The following PAK5 variants were observed in gnomAD, a reference collection of about 807,000 sequenced individuals.
The protein encoded by PAK5 is serine/threonine-protein kinase PAK 5.
In PAK5, 16 loss-of-function variants were observed where a neutral mutation model predicts 65.9. That is an observed-to-expected ratio of 0.24 (90% CI 0.16 to 0.37). PAK5 has a LOEUF of 0.37. PAK5 is among the 10% of genes least tolerant of loss of function. PAK5 has a pLI of 1.00. For missense variants in PAK5, 785 were observed against 903.9 expected, an observed-to-expected ratio of 0.87 and a Z score of 1.69; for synonymous variants, 371 against 354.9, an observed-to-expected ratio of 1.05 and a Z score of -0.51.
At chr20:9,696,691 T>C (rs112757681) in intron 2 of PAK5, among the ~76,000 whole-genome samples, 34 of 152,136 alleles carry the variant, frequency 2.2e-4, no homozygotes, top group Non-Finnish European at 4.0e-4. Flanking sequence ...AGTAAGAAAA[T>C]TGTATTATGG....
intron 1 of PAK5, among the ~76,000 whole-genome samples, chr20:9,755,479 T>C (rs1384363240): frequency 1.3e-5 from 2 of 152,194 alleles, no homozygotes; most frequent in African/African-American, 4.8e-5. Flanking sequence ...ACACAGTCTT[T>C]GACCTGCCCT....
At chr20:9,796,074 A>G (rs952090883) in intron 1 of PAK5, among the ~76,000 whole-genome samples, 1 of 152,058 alleles carries the variant, frequency 6.6e-6, no homozygotes, top group Non-Finnish European at 1.5e-5. Context: ...AATATTATTC[A>G]GTCCCCCAAC....
At chr20:9,797,082 C>T (rs1214196427) in intron 1 of PAK5, among the ~76,000 whole-genome samples, 1 of 151,496 alleles carries the variant, frequency 6.6e-6, no homozygotes, top group African/African-American at 2.4e-5. Context: ...GATCACCATT[C>T]TAACTGGTGT....
intron 1 of PAK5, among the ~76,000 whole-genome samples, chr20:9,816,838 T>C (rs2049363225): frequency 6.6e-6 from 1 of 152,160 alleles, no homozygotes; most frequent in Non-Finnish European, 1.5e-5. Flanking sequence ...TTACTACTGG[T>C]ATCAGTTCTA....
At chr20:9,758,129 C>T (rs2048656941) in intron 1 of PAK5, among the ~76,000 whole-genome samples, 1 of 152,138 alleles carries the variant, frequency 6.6e-6, no homozygotes, top group Non-Finnish European at 1.5e-5. Context: ...GTATGCGATA[C>T]TTTCTGGGGC....
intron 1 of PAK5, among the ~76,000 whole-genome samples, chr20:9,729,114 A>G (rs1050217049): frequency 6.6e-6 from 1 of 152,120 alleles, no homozygotes; most frequent in Non-Finnish European, 1.5e-5. Context: ...GGGCACCTGT[A>G]GTCCCAGCTA....
At chr20:9,794,631 T>C (rs2049085572) in intron 1 of PAK5, among the ~76,000 whole-genome samples, 1 of 152,062 alleles carries the variant, frequency 6.6e-6, no homozygotes, top group South Asian at 2.1e-4. Flanking sequence ...CATGTGACCT[T>C]GGGAGGGTCT....
intron 6 of PAK5, among the ~76,000 whole-genome samples, chr20:9,561,288 G>A (rs1282763738): frequency 1.3e-5 from 2 of 152,174 alleles, no homozygotes; most frequent in East Asian, 1.9e-4. Flanking sequence ...CCTTGACAAA[G>A]GTAGAGCTGG....
At chr20:9,775,378 A>C (rs189927301) in intron 1 of PAK5, among the ~76,000 whole-genome samples, 17 of 152,286 alleles carry the variant, frequency 1.1e-4, no homozygotes, top group African/African-American at 2.4e-4. Flanking sequence ...GTTTAGCAGT[A>C]CTGTTCATTC....
intron 2 of PAK5, among the ~76,000 whole-genome samples, chr20:9,683,641 C>G: frequency 6.6e-6 from 1 of 152,182 alleles, no homozygotes; most frequent in East Asian, 1.9e-4. Flanking sequence ...TATCTAGGCA[C>G]TGGTAGATGA....
At chr20:9,656,195 G>A (rs73240971) in intron 2 of PAK5, among the ~76,000 whole-genome samples, 2,683 of 152,210 alleles carry the variant, frequency 0.018, 74 homozygotes, top group African/African-American at 0.059. Flanking sequence ...TTAGCAAGCC[G>A]TAAGCCCCTT....
chr20:9,618,999 G>A (rs1043292626), intron 3 of PAK5, among the ~76,000 whole-genome samples: 19 of 129,408 alleles, frequency 1.5e-4, no homozygotes, highest in East Asian at 2.7e-4. Flanking sequence ...CATGGCTCAC[G>A]GAAGCCTTGA....
chr20:9,826,252 A>G (rs1313293200), intron 1 of PAK5, among the ~76,000 whole-genome samples: 1 of 152,142 alleles, frequency 6.6e-6, no homozygotes, highest in Non-Finnish European at 1.5e-5. Context: ...GAACACATCT[A>G]TACCACAAAA....
chr20:9,639,373 A>C (rs1022639492), intron 3 of PAK5, among the ~76,000 whole-genome samples: 5 of 152,198 alleles, frequency 3.3e-5, no homozygotes, highest in African/African-American at 1.2e-4. Flanking sequence ...ATTTGGAGAA[A>C]GATAGGATTT....
intron 1 of PAK5, among the ~76,000 whole-genome samples, chr20:9,765,725 T>C (rs758724826): frequency 1.3e-5 from 2 of 152,110 alleles, no homozygotes; most frequent in Non-Finnish European, 2.9e-5. Context: ...AACAGCACAT[T>C]CTTAGATATT....
chr20:9,693,904 T>G (rs2047831675), intron 2 of PAK5, among the ~76,000 whole-genome samples: 1 of 152,122 alleles, frequency 6.6e-6, no homozygotes, highest in South Asian at 2.1e-4. Context: ...TTGTATAAAT[T>G]TATGATTGTC....
intron 3 of PAK5, among the ~76,000 whole-genome samples, chr20:9,590,146 A>G (rs1442467302): frequency 2.0e-5 from 3 of 152,046 alleles, no homozygotes; most frequent in Non-Finnish European, 4.4e-5. Context: ...TAATTAAAAA[A>G]AAAATGTAGA....
chr20:9,674,234 C>A (rs550615101), intron 2 of PAK5, among the ~76,000 whole-genome samples: 5 of 152,058 alleles, frequency 3.3e-5, no homozygotes, highest in Non-Finnish European at 7.4e-5. Flanking sequence ...TCCTTGAGAT[C>A]CACAGTTCTA....
intron 2 of PAK5, among the ~76,000 whole-genome samples, chr20:9,699,553 GTTTT>G (rs34450464): frequency 0.24 from 32,870 of 138,752 alleles, 4,097 homozygotes; most frequent in East Asian, 0.38. Flanking sequence ...TTTGCTTCTT[GTTTT>G]TTTTTTTTTT....
Sources: gnomAD v4.1 joint callset for allele counts (sites outside exome capture counted in the v4.1 genomes callset) on GRCh38, gnomAD v4.1.1 for gene constraint, MANE v1.5 for transcripts, NCBI Gene and HGNC (gene_info 2026-07-23, HGNC 2026-07-21) for gene names.